The following STK32B variants were observed in gnomAD, a reference collection of about 807,000 sequenced individuals.
STK32B encodes serine/threonine-protein kinase 32B.
A neutral mutation model predicts 52.6 loss-of-function variants in STK32B; 43 were observed. That is an observed-to-expected ratio of 0.82 (90% confidence interval 0.64 to 1.05). The LOEUF (loss-of-function observed/expected upper bound fraction) is 1.05. STK32B is among the 50% of genes least tolerant of loss of function. The pLI is 0.00. For missense variants in STK32B, 621 were observed against 534.6 expected, an observed-to-expected ratio of 1.16 and a Z score of -1.59; for synonymous variants, 238 against 204.3, an observed-to-expected ratio of 1.17 and a Z score of -1.41.
At position 5,267,647 on chromosome 4, in the gene STK32B, C is replaced by A. The variant is rs998827120; in HGVS notation, c.261-63573C>A. Among the ~76,000 whole-genome samples, 5 of 152,186 alleles carry A rather than the reference C, an allele frequency of 3.3e-5. No homozygotes were observed. The East Asian group carries it at 9.6e-4, about 29-fold the overall frequency. On this transcript the variant is annotated intron_variant, in intron 3 of 11. Coordinates refer to ENST00000282908, the MANE Select transcript of STK32B (RefSeq NM_018401.3). ...AGCTGGGACGAAAATCAAGTTTATT[C>A]ATATATTCTGGTTATGCAAGTCTCC... is the stretch of plus-strand genomic sequence containing the variant.
intron 3 of STK32B, among the ~76,000 whole-genome samples, chr4:5,291,662 T>A (rs1466764274): frequency 6.6e-6 from 1 of 152,160 alleles, no homozygotes; most frequent in Non-Finnish European, 1.5e-5. Context: ...CTATTTTCCC[T>A]GACTATAGCT....
At chr4:5,299,045 G>T (rs1293939510) in intron 3 of STK32B, among the ~76,000 whole-genome samples, 1 of 151,962 alleles carries the variant, frequency 6.6e-6, no homozygotes, top group African/African-American at 2.4e-5. Context: ...TTGGCTAGGG[G>T]AGGGAGTTAC....
In STK32B at chr4:5,085,477, C is replaced by G. The variant is rs185864415; in HGVS notation, c.52+33562C>G. 1.6e-4 allele frequency among the ~76,000 whole-genome samples: 25 copies of G among 152,242 alleles called. 1 individual carries two copies. The East Asian group carries it at 4.4e-3, about 27-fold the overall frequency. ...CCATGGGATGCTGTAATGGTTACTT[C>G]CCCCATGGAACTGGTGTTCTAGAAA... On this transcript the variant is annotated intron_variant, in intron 1 of 11. Transcript: ENST00000282908.
intron 3 of STK32B, among the ~76,000 whole-genome samples, chr4:5,283,178 C>T (rs1180189889): frequency 1.3e-5 from 2 of 152,082 alleles, no homozygotes; most frequent in Admixed American, 1.3e-4. Context: ...GTATTTCCCT[C>T]CCTGTGCCTG....
At chr4:5,289,199 G>A (rs1164262987) in intron 3 of STK32B, among the ~76,000 whole-genome samples, 1 of 152,216 alleles carries the variant, frequency 6.6e-6, no homozygotes, top group African/African-American at 2.4e-5. Context: ...ACCATAGGCA[G>A]TTGTAACACA....
At chr4:5,336,891 C>T (rs953303936) in intron 4 of STK32B, among the ~76,000 whole-genome samples, 1 of 152,226 alleles carries the variant, frequency 6.6e-6, no homozygotes. Context: ...CATACCAAAA[C>T]AAATGTCAGA....
chr4:5,240,527 TCTG>T (rs1350473859), intron 3 of STK32B, among the ~76,000 whole-genome samples: 2 of 152,178 alleles, frequency 1.3e-5, no homozygotes, highest in Non-Finnish European at 2.9e-5. Context: ...TGGCATGATC[TCTG>T]CTCACTGCAA....
At chr4:5,382,395 GC>G (rs1343811155) in intron 4 of STK32B, among the ~76,000 whole-genome samples, 1 of 152,152 alleles carries the variant, frequency 6.6e-6, no homozygotes, top group East Asian at 1.9e-4. Context: ...CATGTAAAGT[GC>G]TGTGAACGGT....
At chr4:5,410,027 G>A (rs1711529098) in intron 5 of STK32B, among the ~76,000 whole-genome samples, 1 of 152,028 alleles carries the variant, frequency 6.6e-6, no homozygotes, top group Non-Finnish European at 1.5e-5. Context: ...ATTGTCCTGT[G>A]ATAAGTTTGC....
intron 2 of STK32B, among the ~76,000 whole-genome samples, chr4:5,159,547 A>G (rs887992681): frequency 2.8e-4 from 25 of 90,112 alleles, no homozygotes; most frequent in African/African-American, 1.4e-3. Context: ...ATATGTATAT[A>G]TATGAATATA....
At chr4:5,349,585 A>G (rs2108983325) in intron 4 of STK32B, among the ~76,000 whole-genome samples, 1 of 152,328 alleles carries the variant, frequency 6.6e-6, no homozygotes, top group African/African-American at 2.4e-5. Flanking sequence ...TGAAAAAGCA[A>G]GGAAATATGA....
chr4:5,263,647 G>C (rs182280829), intron 3 of STK32B, among the ~76,000 whole-genome samples: 263 of 152,268 alleles, frequency 1.7e-3, no homozygotes, highest in Middle Eastern at 0.01. Flanking sequence ...TCCCTAAACA[G>C]TATTTTACAT....
chr4:5,079,558 T>C (rs1460999898), intron 1 of STK32B, among the ~76,000 whole-genome samples: 6 of 152,204 alleles, frequency 3.9e-5, no homozygotes, highest in Non-Finnish European at 5.9e-5. Context: ...GTTATTACTA[T>C]GTGTCTAAAA....
intron 1 of STK32B, among the ~76,000 whole-genome samples, chr4:5,079,565 A>G (rs923572305): frequency 6.6e-6 from 1 of 152,294 alleles, no homozygotes; most frequent in East Asian, 1.9e-4. Context: ...CTATGTGTCT[A>G]AAACTGAAAT....
At chr4:5,245,675 C>CT (rs1725393058) in intron 3 of STK32B, among the ~76,000 whole-genome samples, 1 of 152,098 alleles carries the variant, frequency 6.6e-6, no homozygotes, top group African/African-American at 2.4e-5. Flanking sequence ...CCTCGATGGT[C>CT]TTTACAATTT....
chr4:5,023,299 C>T, the STK32B span, among the ~76,000 whole-genome samples: 1 of 152,180 alleles, frequency 6.6e-6, no homozygotes, highest in African/African-American at 2.4e-5. Flanking sequence ...CATACTGTCT[C>T]TCTGGGGTTT....
At chr4:5,225,262 T>TA (rs1055175937) in intron 3 of STK32B, among the ~76,000 whole-genome samples, 15 of 151,760 alleles carry the variant, frequency 9.9e-5, no homozygotes, top group East Asian at 3.9e-4. Flanking sequence ...CTACTAAAAT[T>TA]AAAAAAATTA....
chr4:5,275,833 A>AG (rs1014673006), intron 3 of STK32B, among the ~76,000 whole-genome samples: 1 of 151,876 alleles, frequency 6.6e-6, no homozygotes, highest in African/African-American at 2.4e-5. Flanking sequence ...AAGAAGGAGA[A>AG]GGGGGATGCC....
chr4:5,217,089 A>G (rs978372461), intron 3 of STK32B, among the ~76,000 whole-genome samples: 9 of 152,202 alleles, frequency 5.9e-5, no homozygotes, highest in African/African-American at 1.9e-4. Context: ...ATGTGGTAGC[A>G]TGGACTGCCA....
Sources: gnomAD v4.1 joint callset for allele counts (sites outside exome capture counted in the v4.1 genomes callset) on GRCh38, gnomAD v4.1.1 for gene constraint, MANE v1.5 for transcripts, NCBI Gene and HGNC (gene_info 2026-07-23, HGNC 2026-07-21) for gene names.